PAWR: variants seen among roughly 807,000 people sequenced by gnomAD.
PAWR encodes the protein PRKC apoptosis WT1 regulator protein.
Under a neutral mutation model 32.0 loss-of-function variants are expected in PAWR, and 23 were observed. The ratio of observed to expected loss-of-function variants is 0.72; its 90% CI spans 0.52 to 1.02. The LOEUF (loss-of-function observed/expected upper bound fraction) is 1.02. Among genes scored for constraint, PAWR ranks in the 50% least tolerant of loss-of-function variants. The pLI, the probability that PAWR is intolerant of heterozygous loss-of-function variation, is 0.00. For missense variants in PAWR, 457 were observed against 437.7 expected (o/e 1.04, Z -0.39); for synonymous variants, 226 against 187.1 (o/e 1.21, Z -1.70).
chr12:79,614,060 C>CA (rs1874609215), intron 3 of PAWR, among the ~76,000 whole-genome samples: 4 of 111,264 alleles, frequency 3.6e-5, no homozygotes, highest in Admixed American at 1.1e-4. Context: ...GCCCAGGCTA[C>CA]AGTGCAATGG....
chr12:79,679,218 G>A (rs1432648123), intron 2 of PAWR, among the ~76,000 whole-genome samples: 2 of 152,082 alleles, frequency 1.3e-5, no homozygotes, highest in Admixed American at 6.6e-5. Flanking sequence ...TGAGCCTGGG[G>A]CACACAACAG....
At chr12:79,605,889 C>A (rs898140362) in intron 4 of PAWR, among the ~76,000 whole-genome samples, 1 of 152,118 alleles carries the variant, frequency 6.6e-6, no homozygotes. Context: ...GCCTGGCCAA[C>A]ATGGTGAAAC....
At chr12:79,689,463 T>C (rs1221994032) in intron 2 of PAWR, among the ~76,000 whole-genome samples, 4 of 152,158 alleles carry the variant, frequency 2.6e-5, no homozygotes. Context: ...ATAAGTTGTC[T>C]TTCTACCACG....
intron 2 of PAWR, among the ~76,000 whole-genome samples, chr12:79,630,717 G>A (rs1162284797): frequency 6.6e-6 from 1 of 151,954 alleles, no homozygotes; most frequent in East Asian, 1.9e-4. Context: ...ATCTAGTAAA[G>A]AAAGTAAAGA....
intron 2 of PAWR, among the ~76,000 whole-genome samples, chr12:79,670,640 T>C (rs1877844545): frequency 1.3e-5 from 2 of 152,090 alleles, no homozygotes; most frequent in Non-Finnish European, 2.9e-5. Flanking sequence ...ATCAAGGTAA[T>C]AGCAATCACT....
chr12:79,632,304 TATACATAC>T (rs1284887952), intron 2 of PAWR: 1,574 of 5,952 alleles, frequency 0.26, 245 homozygotes, highest in Non-Finnish European at 0.33. Context: ...TACATATATA[TATACATAC>T]ATATATATAT....
chr12:79,636,466 T>G (rs907881401), intron 2 of PAWR, among the ~76,000 whole-genome samples: 1 of 152,112 alleles, frequency 6.6e-6, no homozygotes, highest in African/African-American at 2.4e-5. Context: ...TATCTAAAAC[T>G]ATGCATACTA....
At chr12:79,686,737 TCAG>T (rs1306675966) in intron 2 of PAWR, among the ~76,000 whole-genome samples, 1 of 152,176 alleles carries the variant, frequency 6.6e-6, no homozygotes, top group Non-Finnish European at 1.5e-5. Flanking sequence ...AGTTTAAGAC[TCAG>T]GTCAAGATTC....
At chr12:79,604,462 G>A (rs1038707358) in intron 4 of PAWR, 12 of 1,075,620 alleles carry the variant, frequency 1.1e-5, no homozygotes, top group Admixed American at 5.3e-5. Context: ...AGAGATTATA[G>A]CTAGAGGAAT....
In PAWR at chr12:79,643,741, T is replaced by C. The variant is rs148474641; in HGVS notation, c.517-22534A>G. 2.1e-3 allele frequency among the ~76,000 whole-genome samples: 323 copies of C among 152,190 alleles called. 2 individuals carry two copies. The highest frequency in any genetic ancestry group is 7.6e-3 in the African/African-American group (315 of 41,556). ...TGGCTCTAATCTATAAAGGGAAAAG[T>C]AAAAGCAAAGTAAGCTACAGCTATG... On this transcript the variant is annotated intron_variant, in intron 2 of 6. Transcript: ENST00000328827.
Position 79,636,699 on chromosome 12 carries a change from C to T in PAWR, c.517-15492G>A, listed in dbSNP as rs571998875. Among the ~76,000 whole-genome samples the T allele has an allele frequency of 2.0e-4, 31 of 152,170 alleles. No individual in the cohort carries two copies. In the East Asian group the frequency reaches 6.0e-3, roughly 29 times the overall value. On this transcript the variant is annotated intron_variant, in intron 2 of 6. Coordinates refer to ENST00000328827, the MANE Select transcript of PAWR (RefSeq NM_002583.4). The stretch of plus-strand genomic sequence containing the variant: ...AAGTAGTAAGTCTTACAAATGAATG[C>T]AATAGTTTATTCATTTTTAAGTAGA...
At chr12:79,594,269 T>C in intron 6 of PAWR, 60 bp downstream of exon 6, 1 of 640,332 alleles carries the variant, frequency 1.6e-6, no homozygotes, top group South Asian at 2.0e-5. Context: ...CATATTTATA[T>C]ATTTTCATCC....
rs1873378796 is a variant in PAWR at position 79,586,134 on chromosome 12, C to T, written c.*6473G>A. ...ATGTTGTTTATTGTCCTAAGCCATC[C>T]ATACACAAAACGTTTAATGTGTTAT... On this transcript the variant is annotated 3_prime_UTR_variant, in exon 7 of 7. Coordinates refer to ENST00000328827, the MANE Select transcript of PAWR (RefSeq NM_002583.4). 1 of 152,164 alleles carries T rather than the reference C, an allele frequency of 6.6e-6. No homozygotes were observed. Among genetic ancestry groups the T allele is most frequent in the Non-Finnish European group, 1.5e-5 (1 of 68,032 alleles). The allele number at this position is 152,164 out of a possible 1,614,324, so 9.4% of individuals were successfully genotyped here.
intron 2 of PAWR, among the ~76,000 whole-genome samples, chr12:79,666,080 G>A (rs1319708794): frequency 6.6e-6 from 1 of 152,102 alleles, no homozygotes; most frequent in Non-Finnish European, 1.5e-5. Flanking sequence ...ACTAAAATAA[G>A]CAACCTCTAA....
intron 2 of PAWR, among the ~76,000 whole-genome samples, chr12:79,680,384 G>A (rs1379068613): frequency 1.3e-5 from 2 of 152,064 alleles, no homozygotes; most frequent in African/African-American, 4.8e-5. Context: ...TTCACAAGCT[G>A]GGATCCTTCT....
At position 79,589,066 on chromosome 12, in the gene PAWR, A is replaced by C. The variant is rs141667649; in HGVS notation, c.*3541T>G. On this transcript the variant is annotated 3_prime_UTR_variant, in exon 7 of 7. Transcript: ENST00000328827. Reference sequence around the variant, plus strand: ...ACTGTAATTGGGAATACAATCCTATAACAAGTTATTAACAATATCATGAAT... The same window carrying C: ...ACTGTAATTGGGAATACAATCCTATCACAAGTTATTAACAATATCATGAAT... The C allele has an allele frequency of 5.5e-4, 84 of 152,160 alleles. No individual in the cohort carries two copies. Among genetic ancestry groups the C allele is most frequent in the African/African-American group, 1.9e-3 (77 of 41,566 alleles). 9.4% of individuals were successfully genotyped at this position (152,160 alleles called of 1,614,324 possible). A position where few individuals can be genotyped will look rare whatever the true frequency, so the allele number is the denominator to read the frequency against.
chr12:79,593,854 CACCATGCCCAGCTA>C (rs1317939250), intron 6 of PAWR, among the ~76,000 whole-genome samples: 2 of 151,410 alleles, frequency 1.3e-5, no homozygotes, highest in Non-Finnish European at 2.9e-5. Context: ...AGGTGCCCAC[CACCATGCCCAGCTA>C]ATTTTTCATA....
Position 79,586,126 on chromosome 12 carries a change from A to G in PAWR, c.*6481T>C, listed in dbSNP as rs1873378499. ...CTTTAATGATGTTGTTTATTGTCCT[A>G]AGCCATCCATACACAAAACGTTTAA... is the stretch of plus-strand genomic sequence containing the variant. On this transcript the variant is annotated 3_prime_UTR_variant, in exon 7 of 7. Coordinates refer to ENST00000328827, the MANE Select transcript of PAWR (RefSeq NM_002583.4). 6.6e-6 allele frequency: 1 copy of G among 152,200 alleles called. No individual in the cohort carries two copies. The highest frequency in any genetic ancestry group is 2.4e-5 in the African/African-American group (1 of 41,444). The allele number at this position is 152,200 out of a possible 1,614,324, so 9.4% of individuals were successfully genotyped here.
chr12:79,587,658 G>A lies in PAWR; in HGVS notation c.*4949C>T, dbSNP rs1873424158. On this transcript the variant is annotated 3_prime_UTR_variant, in exon 7 of 7. Transcript: ENST00000328827. Reference sequence around the variant, plus strand: ...CACCTAAAATAATATACCAAATAAAGATTTTTAAAGTGCTGCATATGGTTT... The same window carrying A: ...CACCTAAAATAATATACCAAATAAAAATTTTTAAAGTGCTGCATATGGTTT... The A allele has an allele frequency of 6.6e-6, 1 of 151,842 alleles. No individual in the cohort carries two copies. Among genetic ancestry groups the A allele is most frequent in the South Asian group, 2.1e-4 (1 of 4,836 alleles). The allele number at this position is 151,842 out of a possible 1,614,324, so 9.4% of individuals were successfully genotyped here.
Sources: gnomAD v4.1 joint callset for allele counts (sites outside exome capture counted in the v4.1 genomes callset) on GRCh38, gnomAD v4.1.1 for gene constraint, MANE v1.5 for transcripts, NCBI Gene and HGNC (gene_info 2026-07-23, HGNC 2026-07-21) for gene names.